Variants in ADAM33 observed in about 807,000 individuals in gnomAD.
The protein encoded by ADAM33 is disintegrin and metalloproteinase domain-containing protein 33.
Under a neutral mutation model 106.2 loss-of-function variants are expected in ADAM33, and 103 were observed. The observed-to-expected ratio is 0.97, with a 90% CI of 0.83 to 1.14. ADAM33 has a LOEUF of 1.14. Among genes scored for constraint, ADAM33 ranks in the 50% most tolerant of loss-of-function variants. ADAM33 has a pLI of 0.00. For missense variants in ADAM33, 1,120 were observed against 1,096.6 expected (o/e 1.02, Z -0.30); for synonymous variants, 483 against 453.0 (o/e 1.07, Z -0.84).
At chr20:3,670,883 C>G (rs2087488152) in intron 19 of ADAM33, 123 bp downstream of exon 19, 3 of 1,361,700 alleles carry the variant, frequency 2.2e-6, no homozygotes, top group Non-Finnish European at 2.9e-6. Context: ...TCCATGGCCT[C>G]TGGGGCTGCT....
rs539161162 is a variant in ADAM33 at position 3,672,382 on chromosome 20, A to G, written c.1402-53T>C. On this transcript the variant is annotated intron_variant, in intron 13 of 21. Coordinates refer to ENST00000356518, the MANE Select transcript of ADAM33 (RefSeq NM_025220.5). ...GCAGAGAGAGGCCACGTGCAGTGAG[A>G]GGTCCATGCCGAGAGCGCGGCTCGG... is the stretch of plus-strand genomic sequence containing the variant. The G allele has an allele frequency of 7.5e-6, 12 of 1,594,952 alleles. No homozygotes were observed. In the East Asian group the frequency reaches 2.2e-4, roughly 30 times the overall value.
chr20:3,673,907 A>G lies in ADAM33; in HGVS notation c.743T>C (p.Leu248Pro). The change falls in exon 9 of 22, where the codon CTC (leucine) becomes CCC (proline). Residue 248 changes from leucine (L) to proline (P), a missense_variant. Coordinates refer to ENST00000356518, the MANE Select transcript of ADAM33 (RefSeq NM_025220.5). ...LEVANYVDQL[L>P]RTLDIQVALT... Reference sequence around the variant, plus strand: ...CGCCACCTGAATGTCCAGAGTCCTGAGAAGCTGAGGGCGAGGCGGGGCTGA... The same window carrying G: ...CGCCACCTGAATGTCCAGAGTCCTGGGAAGCTGAGGGCGAGGCGGGGCTGA... 1.9e-6 allele frequency: 3 copies of G among 1,567,888 alleles called. No individual in the cohort carries two copies. Among genetic ancestry groups the G allele is most frequent in the Non-Finnish European group, 2.6e-6 (3 of 1,162,844 alleles).
chr20:3,677,001 C>A, intron 3 of ADAM33, 66 bp downstream of exon 3: 1 of 1,549,228 alleles, frequency 6.5e-7, no homozygotes, highest in Non-Finnish European at 8.8e-7. Flanking sequence ...CCGCACAGAT[C>A]TGTGTCAGTC....
intron 2 of ADAM33, among the ~76,000 whole-genome samples, chr20:3,677,827 C>T (rs1239274855): frequency 6.6e-6 from 1 of 152,250 alleles, no homozygotes; most frequent in Non-Finnish European, 1.5e-5. Context: ...CTTCCCCCAC[C>T]CTCTTGGCGT....
intron 13 of ADAM33, 96 bp from the exon 14 acceptor site, chr20:3,672,425 C>T (rs1220294733): frequency 5.7e-6 from 9 of 1,575,882 alleles, no homozygotes; most frequent in Middle Eastern, 3.4e-4. Context: ...GGAGCCAGGC[C>T]TACCCAAGCC....
chr20:3,679,963 G>C (rs2088334930), intron 1 of ADAM33, among the ~76,000 whole-genome samples: 1 of 152,160 alleles, frequency 6.6e-6, no homozygotes, highest in South Asian at 2.1e-4. Flanking sequence ...TAGGGTGAGA[G>C]ATGTACGAAG....
chr20:3,670,632 G>A (rs1454961951), intron 19 of ADAM33: 1 of 221,378 alleles, frequency 4.5e-6, no homozygotes, highest in Non-Finnish European at 9.0e-6. Context: ...GAAAACTGGT[G>A]AGACAGAGGC....
In ADAM33 at chr20:3,669,529, C is replaced by T. The variant is rs1276681104; in HGVS notation, c.2332+17G>A. Reference sequence around the variant, plus strand: ...CTTCTCCCTTCCCTCTCCACCTCCCCCTGGTGCCTCACTCACCCAGGGGCC... The same window carrying T: ...CTTCTCCCTTCCCTCTCCACCTCCCTCTGGTGCCTCACTCACCCAGGGGCC... On this transcript the variant is annotated intron_variant, in intron 20 of 21. Coordinates refer to ENST00000356518, the MANE Select transcript of ADAM33 (RefSeq NM_025220.5). 6.4e-7 allele frequency: 1 copy of T among 1,568,212 alleles called. No homozygotes were observed. The highest frequency in any genetic ancestry group is 8.7e-7 in the Non-Finnish European group (1 of 1,155,620).
At chr20:3,670,357 T>C (rs2087453522) in intron 19 of ADAM33, 1 of 160,386 alleles carries the variant, frequency 6.2e-6, no homozygotes, top group Non-Finnish European at 1.4e-5. Context: ...GACCAGGCTA[T>C]GTCAGACATG....
In ADAM33 at chr20:3,679,371, T is replaced by C. The variant is rs542740265; in HGVS notation, c.177+121A>G. 11 of 980,724 alleles carry C rather than the reference T, an allele frequency of 1.1e-5. 1 individual carries two copies. The highest frequency in any genetic ancestry group is 4.3e-4 in the Middle Eastern group (2 of 4,696). The allele number at this position is 980,724 out of a possible 1,614,324, so 60.8% of individuals were successfully genotyped here. Reference sequence around the variant, plus strand: ...GAGGGGCAGGGGAGGCAGGGGCCTATAGGAGTAGTGACTTGGTGGTTCTGG... The same window carrying C: ...GAGGGGCAGGGGAGGCAGGGGCCTACAGGAGTAGTGACTTGGTGGTTCTGG... On this transcript the variant is annotated intron_variant, in intron 2 of 21. Transcript: ENST00000356518.
chr20:3,671,684 C>T lies in ADAM33; in HGVS notation c.1802G>A (p.Gly601Asp), dbSNP rs2087544195. The change falls in exon 16 of 22, where the codon GGC (glycine) becomes GAC (aspartate). Residue 601 changes from glycine (G) to aspartate (D), a missense_variant. Transcript: ENST00000356518. Reference sequence around the variant, plus strand: ...GGCTCCCCGACAAGTCACTTCCTGGCCATCTAGGTGAACGGTAGAGTCCAC... The same window carrying T: ...GGCTCCCCGACAAGTCACTTCCTGGTCATCTAGGTGAACGGTAGAGTCCAC... Reference protein sequence around the residue: ...VPVDSTVHLDGQEVTCRGALA... With the variant: ...VPVDSTVHLDDQEVTCRGALA... 1 of 1,586,720 alleles carries T rather than the reference C, an allele frequency of 6.3e-7. No homozygotes were observed. The highest frequency in any genetic ancestry group is 2.3e-5 in the East Asian group (1 of 43,088).
At chr20:3,672,924 C>T (rs771639398) in intron 11 of ADAM33, 26 bp from the exon 12 acceptor site, 1 of 1,525,000 alleles carries the variant, frequency 6.6e-7, no homozygotes, top group Non-Finnish European at 8.7e-7. Flanking sequence ...GGGCATTGGG[C>T]ATGGAGGGAC....
chr20:3,674,639 G>C lies in ADAM33; in HGVS notation c.465C>G (p.Pro155=), dbSNP rs745678264. The C allele has an allele frequency of 6.2e-7, 1 of 1,612,706 alleles. No individual in the cohort carries two copies. Among genetic ancestry groups the C allele is most frequent in the Non-Finnish European group, 8.5e-7 (1 of 1,179,610 alleles). The stretch of plus-strand genomic sequence containing the variant: ...GGGTTGAGAAGTCCTTGGAGCCCCG[G>C]GGTGGCCAGGGACGCAGATAATAGC... The part of the protein sequence containing the change: ...NASYYLRPWP[P]RGSKDFSTHE... Residue 155 remains proline, a synonymous_variant, in exon 6 of 22, where the codon CCC becomes CCG. Coordinates refer to ENST00000356518, the MANE Select transcript of ADAM33 (RefSeq NM_025220.5).
rs189214783 is a variant in ADAM33, at chr20:3,677,015, G to T, written c.254+52C>A. ...CCCGCACAGATCTGTGTCAGTCCCT[G>T]CCCCCCAACACTGATCCCCTCCTCC... is the stretch of plus-strand genomic sequence containing the variant. On this transcript the variant is annotated intron_variant, in intron 3 of 21. Coordinates refer to ENST00000356518, the MANE Select transcript of ADAM33 (RefSeq NM_025220.5). The T allele has an allele frequency of 2.9e-5, 46 of 1,576,192 alleles. No individual in the cohort carries two copies. The East Asian group carries it at 7.8e-4, about 27-fold the overall frequency.
In ADAM33 at chr20:3,674,113, A is replaced by C. The variant is rs1454051707; in HGVS notation, c.689T>G (p.Leu230Trp). The C allele has an allele frequency of 1.9e-6, 3 of 1,614,124 alleles. No individual in the cohort carries two copies. The highest frequency in any genetic ancestry group is 2.5e-6 in the Non-Finnish European group (3 of 1,180,022). ...CAGGAGACGCTGTTTGGTGTGGTTC[A>C]AGTTTCGGTGCCGAGTCAAGAACTG... The part of the protein sequence containing the change: ...HTLFLTRHRN[L>W]NHTKQRLLEV... Residue 230 changes from leucine (L) to tryptophan (W), a missense_variant, in exon 8 of 22, where the codon TTG (leucine) becomes TGG (tryptophan). Leu to Trp is a moderately conservative substitution (Grantham distance 61). Coordinates refer to ENST00000356518, the MANE Select transcript of ADAM33 (RefSeq NM_025220.5).
intron 1 of ADAM33, among the ~76,000 whole-genome samples, chr20:3,681,206 C>G (rs1374272363): frequency 6.6e-6 from 1 of 152,232 alleles, no homozygotes; most frequent in Admixed American, 6.5e-5. Flanking sequence ...ATCCTCCCAC[C>G]CGCTTGCAGA....
At chr20:3,676,935 G>A (rs2088019111) in intron 3 of ADAM33, 132 bp downstream of exon 3, 2 of 959,696 alleles carry the variant, frequency 2.1e-6, no homozygotes, top group East Asian at 3.1e-5. Flanking sequence ...CCACAGGCCT[G>A]CGTGACTCTC....
Position 3,668,699 on chromosome 20 carries a change from CTG to C in ADAM33, c.*262_*263del, listed in dbSNP as rs1466891662. 1 of 511,374 alleles carries C rather than the reference CTG, an allele frequency of 2.0e-6. No homozygotes were observed. The highest frequency in any genetic ancestry group is 3.6e-6 in the Non-Finnish European group (1 of 281,132). The allele number at this position is 511,374 out of a possible 1,614,324, so 31.7% of individuals were successfully genotyped here. On this transcript the variant is annotated 3_prime_UTR_variant, in exon 22 of 22. Transcript: ENST00000356518. ...CTCCACTGGTGAGGGAGGTCAGGGGCTGTGTGACCTTTGCTTCTGGGACTGAT... is the reference window on the plus strand; with the variant it reads ...CTCCACTGGTGAGGGAGGTCAGGGGCTGTGACCTTTGCTTCTGGGACTGAT...
At chr20:3,674,392 C>G in intron 6 of ADAM33, 108 bp from the exon 7 acceptor site, 1 of 1,600,804 alleles carries the variant, frequency 6.2e-7, no homozygotes, top group Non-Finnish European at 8.5e-7. Context: ...GAACTTGTTT[C>G]TTCAGACTTC....
Sources: gnomAD v4.1 joint callset for allele counts (sites outside exome capture counted in the v4.1 genomes callset) on GRCh38, gnomAD v4.1.1 for gene constraint, MANE v1.5 for transcripts, NCBI Gene and HGNC (gene_info 2026-07-23, HGNC 2026-07-21) for gene names.